The following JAG1 variants were observed in gnomAD, a reference collection of about 807,000 sequenced individuals.
The protein encoded by JAG1 is jagged canonical Notch ligand 1, also known as protein jagged-1.
A neutral mutation model predicts 148.7 loss-of-function variants in JAG1; 23 were observed. The observed-to-expected ratio is 0.15, with a 90% confidence interval of 0.11 to 0.22. The LOEUF (loss-of-function observed/expected upper bound fraction) is 0.22, where lower values mean the gene tolerates loss of function less well. Among genes scored for constraint, JAG1 ranks in the 10% least tolerant of loss-of-function variants. JAG1 has a pLI of 1.00. For missense variants in JAG1, 1,054 were observed against 1,611.2 expected, an observed-to-expected ratio of 0.65 and a Z score of 5.92; for synonymous variants, 572 against 598.3, an observed-to-expected ratio of 0.96 and a Z score of 0.64.
rs746664646 is a variant in JAG1 at position 10,641,595 on chromosome 20, G to A, written c.2781C>T (p.Val927=). 73 of 1,614,044 alleles carry A rather than the reference G, an allele frequency of 4.5e-5. No individual in the cohort carries two copies. In the Admixed American group the frequency reaches 1.2e-3, roughly 26 times the overall value. Residue 927 remains valine (V), a synonymous_variant, in exon 23 of 26, where the codon GTC becomes GTT. Transcript: ENST00000254958. ...CIPILDDQCF[V]HPCTGVGECR... ...ACTCGCCCACACCAGTGCAGGGGTG[G>A]ACGAAGCACTGGTCGTCCAGGATGG...
chr20:10,659,559 CTTT>C (rs35826283), intron 3 of JAG1, among the ~76,000 whole-genome samples: 1,279 of 105,146 alleles, frequency 0.012, 113 homozygotes, highest in African/African-American at 0.035. Flanking sequence ...GATTAAGTTA[CTTT>C]TTTTTTTTTT....
chr20:10,644,273 T>TTCTCTC (rs113910163), intron 19 of JAG1, 84 bp downstream of exon 19: 1 of 626,418 alleles, frequency 1.6e-6, no homozygotes, highest in African/African-American at 4.1e-5. Flanking sequence ...CCCTGGGTGA[T>TTCTCTC]TCTCACACAC....
At chr20:10,649,468 G>A in intron 10 of JAG1, 54 bp downstream of exon 10, 1 of 1,122,468 alleles carries the variant, frequency 8.9e-7, no homozygotes, top group South Asian at 1.3e-5. Context: ...GTACGGACCA[G>A]CAAGTCGGCT....
rs909143688 is a variant in JAG1 at position 10,638,849 on chromosome 20, A to AT, written c.*648dup. On this transcript the variant is annotated 3_prime_UTR_variant, in exon 26 of 26. Transcript: ENST00000254958. Reference sequence around the variant, plus strand: ...AAGGAATGATGTTTTAAGGCTCTTGATTATTAAGTTAATAAATCAAATATA... The same window carrying AT: ...AAGGAATGATGTTTTAAGGCTCTTGATTTATTAAGTTAATAAATCAAATATA... The AT allele has an allele frequency of 1.3e-5, 2 of 152,712 alleles. No homozygotes were observed. The highest frequency in any genetic ancestry group is 4.8e-5 in the African/African-American group (2 of 41,442). 9.5% of individuals were successfully genotyped at this position (152,712 alleles called of 1,614,324 possible).
In JAG1 at chr20:10,673,521, G is replaced by A; in HGVS notation, c.10C>T (p.Pro4Ser). The change falls in exon 1 of 26, where the codon CCA becomes TCA. Residue 4 changes from proline (P) to serine (S), a missense_variant. Transcript: ENST00000254958. The surrounding 1 kb of genome is among the most constrained non-coding windows in gnomAD (Gnocchi z 4.7). Reference sequence around the variant, plus strand: ...CGCCCGGACCGGCCGCGCGTCCGTGGGGAACGCATCGCTGCGCCGCGCGCC... The same window carrying A: ...CGCCCGGACCGGCCGCGCGTCCGTGAGGAACGCATCGCTGCGCCGCGCGCC... MRS[P>S]RTRGRSGRPL... The A allele has an allele frequency of 8.0e-7, 1 of 1,255,772 alleles. No individual in the cohort carries two copies. The highest frequency in any genetic ancestry group is 1.0e-6 in the Non-Finnish European group (1 of 993,482). The allele number at this position is 1,255,772 out of a possible 1,614,324, so 77.8% of individuals were successfully genotyped here.
At position 10,666,136 on chromosome 20, in the gene JAG1, C is replaced by T. The variant is rs148719003; in HGVS notation, c.388-2122G>A. Among the ~76,000 whole-genome samples, 396 of 152,152 alleles carry T rather than the reference C, an allele frequency of 2.6e-3. 2 individuals carry two copies. Among genetic ancestry groups the T allele is most frequent in the African/African-American group, 8.4e-3 (349 of 41,500 alleles). ...TGTTTCAGGGAGGGGATTAGGGTCT[C>T]CTGGGGCAGGAGGATTCCTCCTGCC... On this transcript the variant is annotated intron_variant, in intron 2 of 25. Coordinates refer to ENST00000254958, the MANE Select transcript of JAG1 (RefSeq NM_000214.3).
rs759284331 is a variant in JAG1 at position 10,644,939 on chromosome 20, C to T, written c.2268G>A (p.Gly756=). ...ACTCGCCGTTGACCACACATGTGCC[C>T]CCATTATGGCAGGGGTTGGGCAGGC... is the stretch of plus-strand genomic sequence containing the variant. ...SSCLPNPCHN[G]GTCVVNGESF... The change falls in exon 18 of 26, where the codon GGG becomes GGA. Residue 756 remains glycine (G), a synonymous_variant. Transcript: ENST00000254958. 3.7e-6 allele frequency: 6 copies of T among 1,614,128 alleles called. No individual in the cohort carries two copies. The South Asian group carries it at 6.6e-5, about 18-fold the overall frequency.
chr20:10,651,560 C>T, intron 8 of JAG1, 21 bp downstream of exon 8: 1 of 1,520,452 alleles, frequency 6.6e-7, no homozygotes, highest in South Asian at 1.1e-5. Flanking sequence ...AGAATGGACA[C>T]AGGCTGAAAA....
intron 3 of JAG1, among the ~76,000 whole-genome samples, chr20:10,659,265 A>C (rs1415440095): frequency 6.6e-6 from 1 of 152,242 alleles, no homozygotes; most frequent in African/African-American, 2.4e-5. Context: ...GCATTTAACT[A>C]AGTGATGGCA....
intron 3 of JAG1, among the ~76,000 whole-genome samples, chr20:10,659,586 T>TTTA (rs2067402164): frequency 1.4e-5 from 2 of 140,638 alleles, no homozygotes; most frequent in East Asian, 4.0e-4. Flanking sequence ...TTTTTTTTTT[T>TTTA]TACAATTGTT....
At chr20:10,649,680 C>T (rs775470578) in intron 9 of JAG1, 45 bp from the exon 10 acceptor site, 2 of 1,093,522 alleles carry the variant, frequency 1.8e-6, no homozygotes, top group South Asian at 1.3e-5. Flanking sequence ...GTTCAACCCC[C>T]ATCTCCCCCA....
intron 8 of JAG1, chr20:10,650,987 C>G (rs1307471693): frequency 6.3e-6 from 1 of 158,932 alleles, no homozygotes; most frequent in Non-Finnish European, 1.4e-5. Flanking sequence ...GCAATCTGAC[C>G]CCAGAAATCC....
At chr20:10,642,075 T>A (rs540762770) in intron 21 of JAG1, among the ~76,000 whole-genome samples, 183 bp from the exon 22 acceptor site, 1 of 152,280 alleles carries the variant, frequency 6.6e-6, no homozygotes, top group Non-Finnish European at 1.5e-5. Flanking sequence ...CAAGACTTGC[T>A]CTGGCCAATG....
At chr20:10,664,412 A>AC (rs398035347) in intron 2 of JAG1, among the ~76,000 whole-genome samples, 7 of 150,742 alleles carry the variant, frequency 4.6e-5, no homozygotes, top group African/African-American at 7.4e-5. Context: ...ACACACACAC[A>AC]AAGAATTTAT....
rs2067512554 is a variant in JAG1, at chr20:10,673,391, G to A, written c.81+59C>T. ...CCTGCTCGCGGGGCTCAACCGCCCA[G>A]GGCGCCGCGAGGGGAGGGAGAGGAC... is the stretch of plus-strand genomic sequence containing the variant. On this transcript the variant is annotated intron_variant, in intron 1 of 25. Transcript: ENST00000254958. This position sits in a 1 kb window ranked among gnomAD's most constrained non-coding sequence, Gnocchi z 4.7. 2 of 1,267,434 alleles carry A rather than the reference G, an allele frequency of 1.6e-6. No individual in the cohort carries two copies. The highest frequency in any genetic ancestry group is 2.1e-6 in the Non-Finnish European group (2 of 943,722). 78.5% of individuals were successfully genotyped at this position (1,267,434 alleles called of 1,614,324 possible).
Position 10,644,377 on chromosome 20 carries a change from A to C in JAG1, c.2352T>G (p.Asn784Lys), listed in dbSNP as rs773054898. ...WEGPICAQNT[N>K]DCSPHPCYNS... The stretch of plus-strand genomic sequence containing the variant: ...CTTACCAGGGATGAGGGCTGCAGTC[A>C]TTGGTATCTGCAAAGAAAAGACAAC... Residue 784 changes from asparagine (N) to lysine (K), a missense_variant, in exon 19 of 26, where the codon AAT (asparagine) becomes AAG (lysine). Asn to Lys is a moderately conservative substitution (Grantham distance 94). Transcript: ENST00000254958. 2 of 1,613,216 alleles carry C rather than the reference A, an allele frequency of 1.2e-6. No homozygotes were observed. Among genetic ancestry groups the C allele is most frequent in the African/African-American group, 1.3e-5 (1 of 74,874 alleles).
chr20:10,654,492 T>C (rs1484607561), intron 5 of JAG1, among the ~76,000 whole-genome samples: 2 of 152,136 alleles, frequency 1.3e-5, no homozygotes, highest in Non-Finnish European at 2.9e-5. Flanking sequence ...GGACTCAGTC[T>C]ACTTGGGAAC....
chr20:10,645,290 G>GC lies in JAG1; in HGVS notation c.2114-35dup, dbSNP rs1413645147. On this transcript the variant is annotated intron_variant, in intron 16 of 25. Coordinates refer to ENST00000254958, the MANE Select transcript of JAG1 (RefSeq NM_000214.3). The surrounding 1 kb of genome is among the most constrained non-coding windows in gnomAD (Gnocchi z 6.1). ...AAATATTTCAGTGTGAGTCCCAGTG[G>GC]CCCCCTCCCACAGAAGACAGAGGGA... 6.2e-7 allele frequency: 1 copy of GC among 1,604,712 alleles called. No individual in the cohort carries two copies. The highest frequency in any genetic ancestry group is 8.5e-7 in the Non-Finnish European group (1 of 1,171,520).
rs1242473299 is a variant in JAG1 at position 10,672,766 on chromosome 20, T to G, written c.322A>C (p.Asn108His). 3 of 1,613,060 alleles carry G rather than the reference T, an allele frequency of 1.9e-6. No individual in the cohort carries two copies. The highest frequency in any genetic ancestry group is 1.1e-5 in the South Asian group (1 of 91,082). The change falls in exon 2 of 26, where the codon AAC (asparagine) becomes CAC (histidine). Residue 108 changes from asparagine (N) to histidine (H), a missense_variant. Physicochemically the swap from Asn to His is moderately conservative, Grantham distance 68. Around this residue, in one of 6 missense-constraint regions of JAG1, gnomAD observed 151 missense variants for 211.1 expected, o/e 0.72. Transcript: ENST00000254958. ...STPVIGGNTF[N>H]LKASRGNDRN... Reference sequence around the variant, plus strand: ...TCGTTGCCGCGGCTGGCCTTGAGGTTGAAGGTGTTGCCCCCGATGACAGGC... The same window carrying G: ...TCGTTGCCGCGGCTGGCCTTGAGGTGGAAGGTGTTGCCCCCGATGACAGGC...
Sources: allele counts gnomAD v4.1 joint callset (sites outside exome capture counted in the v4.1 genomes callset), GRCh38; gene constraint gnomAD v4.1.1; regional missense constraint gnomAD v4.1.1; non-coding constraint Gnocchi (gnomAD v3.1); transcripts MANE v1.5; gene names NCBI Gene and HGNC (gene_info 2026-07-23, HGNC 2026-07-21).